The following LRRC20 variants were observed in gnomAD, a reference collection of about 807,000 sequenced individuals.
LRRC20 encodes the protein leucine-rich repeat-containing protein 20.
In LRRC20, 11 loss-of-function variants were observed where a neutral mutation model predicts 14.4. That is an observed-to-expected ratio of 0.77 (90% CI 0.48 to 1.27). LRRC20 has a LOEUF of 1.27. Among genes scored for constraint, LRRC20 ranks in the 50% most tolerant of loss-of-function variants. The pLI is 0.00. For synonymous variants in LRRC20, 121 were observed against 107.3 expected, an observed-to-expected ratio of 1.13 and a Z score of -0.79; for missense variants, 219 against 251.2, an observed-to-expected ratio of 0.87 and a Z score of 0.87.
At chr10:70,379,823 TG>T in intron 1 of LRRC20, among the ~76,000 whole-genome samples, 1 of 152,210 alleles carries the variant, frequency 6.6e-6, no homozygotes, top group East Asian at 1.9e-4. Flanking sequence ...TTCGGTTTCC[TG>T]GAAGACAATT....
At chr10:70,321,689 G>A (rs552250483) in intron 4 of LRRC20, among the ~76,000 whole-genome samples, 2 of 152,192 alleles carry the variant, frequency 1.3e-5, no homozygotes, top group South Asian at 2.1e-4. Flanking sequence ...AGGCCTGGCC[G>A]AGGCCAGGCA....
chr10:70,360,855 G>C (rs1456031753), intron 2 of LRRC20, among the ~76,000 whole-genome samples: 1 of 152,170 alleles, frequency 6.6e-6, no homozygotes, highest in Non-Finnish European at 1.5e-5. Context: ...CCAGAGGGCA[G>C]AAATTAGGTC....
intron 3 of LRRC20, among the ~76,000 whole-genome samples, chr10:70,330,718 C>A (rs1425528592): frequency 6.6e-6 from 1 of 152,210 alleles, no homozygotes; most frequent in Non-Finnish European, 1.5e-5. Flanking sequence ...AGAGCAAGTT[C>A]TTCCCAGCCA....
intron 4 of LRRC20, among the ~76,000 whole-genome samples, chr10:70,311,642 T>C (rs901745734): frequency 8.5e-5 from 13 of 152,196 alleles, no homozygotes; most frequent in African/African-American, 3.1e-4. Context: ...AGAATCCTTT[T>C]ATGAAGCCAG....
At chr10:70,302,745 C>A (rs1278274035) in intron 4 of LRRC20, among the ~76,000 whole-genome samples, 1 of 149,534 alleles carries the variant, frequency 6.7e-6, no homozygotes, top group Non-Finnish European at 1.5e-5. Flanking sequence ...GAGTTTCGCT[C>A]TGTCGCCCAG....
chr10:70,342,307 C>CAA (rs530306629), intron 2 of LRRC20, among the ~76,000 whole-genome samples: 1 of 132,150 alleles, frequency 7.6e-6, no homozygotes. Context: ...GAGACTATCT[C>CAA]AAAAAAAAAA....
chr10:70,363,124 T>G (rs1004719818), intron 2 of LRRC20, among the ~76,000 whole-genome samples: 3 of 147,130 alleles, frequency 2.0e-5, no homozygotes, highest in Non-Finnish European at 3.0e-5. Context: ...AAAAAAAATT[T>G]TAAATTAGCC....
At chr10:70,339,937 AT>A (rs1249077300) in intron 3 of LRRC20, among the ~76,000 whole-genome samples, 1 of 151,954 alleles carries the variant, frequency 6.6e-6, no homozygotes, top group African/African-American at 2.4e-5. Flanking sequence ...CTTGGCCAAC[AT>A]GGTAAAACCC....
chr10:70,312,855 C>T (rs1261848426), intron 4 of LRRC20, among the ~76,000 whole-genome samples: 1 of 152,176 alleles, frequency 6.6e-6, no homozygotes, highest in African/African-American at 2.4e-5. Flanking sequence ...GCACCCCCAT[C>T]AATAGGATGG....
chr10:70,308,696 G>T (rs1589938604), intron 4 of LRRC20, among the ~76,000 whole-genome samples: 1 of 152,126 alleles, frequency 6.6e-6, no homozygotes, highest in Non-Finnish European at 1.5e-5. Flanking sequence ...GGAGGGGTGG[G>T]AGAGGCCAGG....
chr10:70,367,572 G>C (rs1349143292), intron 2 of LRRC20, among the ~76,000 whole-genome samples: 1 of 152,066 alleles, frequency 6.6e-6, no homozygotes, highest in African/African-American at 2.4e-5. Flanking sequence ...GCAAACACGT[G>C]ATGCTAAAGT....
intron 3 of LRRC20, among the ~76,000 whole-genome samples, 172 bp from the exon 4 acceptor site, chr10:70,324,202 G>A (rs1244377178): frequency 6.6e-6 from 1 of 152,204 alleles, no homozygotes; most frequent in African/African-American, 2.4e-5. Flanking sequence ...TGTGCTAGAG[G>A]AGGGGTCACC....
intron 3 of LRRC20, among the ~76,000 whole-genome samples, chr10:70,328,911 G>A (rs1351632448): frequency 6.6e-6 from 1 of 152,194 alleles, no homozygotes; most frequent in Non-Finnish European, 1.5e-5. Context: ...GAGTGAGAGC[G>A]AGACTCTCTT....
At chr10:70,308,754 C>T (rs1301906104) in intron 4 of LRRC20, among the ~76,000 whole-genome samples, 1 of 152,106 alleles carries the variant, frequency 6.6e-6, no homozygotes, top group African/African-American at 2.4e-5. Context: ...CAGAGACAGG[C>T]TGTTTTCAGA....
intron 3 of LRRC20, among the ~76,000 whole-genome samples, chr10:70,326,251 C>T (rs1229899449): frequency 6.6e-6 from 1 of 150,864 alleles, no homozygotes. Context: ...TCCCAGGTAT[C>T]CCTACAGTGA....
chr10:70,345,190 C>T (rs911792389), intron 2 of LRRC20, among the ~76,000 whole-genome samples: 13 of 151,738 alleles, frequency 8.6e-5, no homozygotes, highest in Middle Eastern at 3.4e-3. Flanking sequence ...AAATATAGTC[C>T]AGAAATAATG....
intron 4 of LRRC20, among the ~76,000 whole-genome samples, chr10:70,323,566 T>C (rs1842183032): frequency 6.6e-6 from 1 of 152,146 alleles, no homozygotes; most frequent in African/African-American, 2.4e-5. Context: ...CCTAGGCTGG[T>C]AGGTGAGAAC....
intron 2 of LRRC20, among the ~76,000 whole-genome samples, chr10:70,369,153 G>A (rs978538902): frequency 6.6e-6 from 1 of 152,140 alleles, no homozygotes; most frequent in African/African-American, 2.4e-5. Flanking sequence ...CCTTTTCAAG[G>A]AACAGGGTGG....
Position 70,301,464 on chromosome 10 carries a change from T to C in LRRC20, c.445A>G (p.Ile149Val). The C allele has an allele frequency of 6.2e-7, 1 of 1,614,120 alleles. No individual in the cohort carries two copies. Among genetic ancestry groups the C allele is most frequent in the Non-Finnish European group, 8.5e-7 (1 of 1,180,032 alleles). The stretch of plus-strand genomic sequence containing the variant: ...TTGAGTGGGTTGAAGCGGAGGTTGA[T>C]GCTGCGCAAGGCTGGCATGGCGGCC... ...KLAAMPALRS[I>V]NLRFNPLNAE... Residue 149 changes from isoleucine (I) to valine (V), a missense_variant, in exon 5 of 5, where the codon ATC (isoleucine) becomes GTC (valine). By Grantham distance (29) the Ile-to-Val change is conservative. Coordinates refer to ENST00000446961, the MANE Select transcript of LRRC20 (RefSeq NM_001278212.2).
Sources: gnomAD v4.1 joint callset for allele counts (sites outside exome capture counted in the v4.1 genomes callset) on GRCh38, gnomAD v4.1.1 for gene constraint, MANE v1.5 for transcripts, NCBI Gene and HGNC (gene_info 2026-07-23, HGNC 2026-07-21) for gene names.